LINC00632: variants seen among roughly 807,000 people sequenced by gnomAD.
LINC00632 encodes ALDOA related specific transcript.
Position 140,731,686 on chromosome X carries a change from C to T in LINC00632, n.105-2192C>T, listed in dbSNP as rs753464843. ...TATGTATATTATGTACACATGGATA[C>T]ATAGACATGCAGAAGCTCACAGAGA... On this transcript the variant is annotated intron_variant and non_coding_transcript_variant, in intron 2 of 4. Transcript: ENST00000648200. 3.6e-5 allele frequency among the ~76,000 whole-genome samples: 4 copies of T among 111,746 alleles called. No individual in the cohort carries two copies. The South Asian group carries it at 1.1e-3, about 32-fold the overall frequency.
intron 3 of LINC00632, among the ~76,000 whole-genome samples, chrX:140,759,344 C>CTTT (rs1931561193): frequency 1.3e-4 from 3 of 23,058 alleles, no homozygotes; most frequent in African/African-American, 3.8e-4. Context: ...TTCCTTCCTT[C>CTTT]CTTTCTTTCT....
At chrX:140,790,567 T>A (rs1932093657) in exon 5 of LINC00632, among the ~76,000 whole-genome samples, 1 of 110,989 alleles carries the variant, frequency 9.0e-6, no homozygotes, top group Non-Finnish European at 1.9e-5. Flanking sequence ...AATTTTAAAA[T>A]TAACTCATGA....
intron 3 of LINC00632, among the ~76,000 whole-genome samples, chrX:140,749,868 G>GT (rs1248945419): frequency 9.1e-6 from 1 of 109,749 alleles, no homozygotes; most frequent in Non-Finnish European, 1.9e-5. Context: ...TTTTTGAAAA[G>GT]TTTTTTGTAG....
At chrX:140,764,606 G>C (rs900236255) in intron 3 of LINC00632, 1 of 112,495 alleles carries the variant, frequency 8.9e-6, no homozygotes. Flanking sequence ...CACTGCATCG[G>C]AGTAGGCACA....
chrX:140,762,204 T>TC (rs1422140973), intron 3 of LINC00632, among the ~76,000 whole-genome samples: 3 of 51,043 alleles, frequency 5.9e-5, no homozygotes, highest in African/African-American at 1.6e-4. Context: ...CGTCAGTTTT[T>TC]CGAAAAGAGA....
chrX:140,728,146 A>AG (rs1220520672), intron 2 of LINC00632, among the ~76,000 whole-genome samples: 2 of 109,909 alleles, frequency 1.8e-5, no homozygotes, highest in African/African-American at 6.6e-5. Context: ...AGGCTGAGGC[A>AG]GGAGACTCAC....
At chrX:140,743,887 A>G (rs548940708) in intron 3 of LINC00632, among the ~76,000 whole-genome samples, 1 of 111,478 alleles carries the variant, frequency 9.0e-6, no homozygotes, top group East Asian at 2.8e-4. Flanking sequence ...AGACCTGGGA[A>G]TATCAGAAAT....
intron 2 of LINC00632, among the ~76,000 whole-genome samples, chrX:140,728,240 C>CAAA (rs1200284527): frequency 0.052 from 3,133 of 60,555 alleles, 205 homozygotes; most frequent in African/African-American, 0.17. Flanking sequence ...AACTCTGTCT[C>CAAA]AAAAAAAAAA....
chrX:140,785,199 A>G (rs1422860113), exon 5 of LINC00632, among the ~76,000 whole-genome samples: 2 of 100,139 alleles, frequency 2.0e-5, no homozygotes, highest in South Asian at 4.5e-4. Flanking sequence ...TAATAATAAT[A>G]ATAATAATAA....
At chrX:140,719,624 G>A (rs1211153080) in intron 2 of LINC00632, among the ~76,000 whole-genome samples, 2 of 109,092 alleles carry the variant, frequency 1.8e-5, no homozygotes, top group African/African-American at 3.3e-5. Flanking sequence ...ACACAGACTG[G>A]CCACACAAAA....
chrX:140,759,336 CCTTCCTTCCTTT>C (rs1410734947), intron 3 of LINC00632, among the ~76,000 whole-genome samples: 1,602 of 43,587 alleles, frequency 0.037, 35 homozygotes, highest in African/African-American at 0.083. Context: ...TTCCTTCCTT[CCTTCCTTCCTTT>C]CTTTCTTTCT....
chrX:140,767,427 T>C (rs1931709843), intron 3 of LINC00632, among the ~76,000 whole-genome samples: 1 of 111,936 alleles, frequency 8.9e-6, no homozygotes, highest in African/African-American at 3.2e-5. Flanking sequence ...ATGCATTAAT[T>C]TCCCCTTAGT....
At chrX:140,738,049 A>G (rs1039303867) in intron 3 of LINC00632, among the ~76,000 whole-genome samples, 7 of 112,378 alleles carry the variant, frequency 6.2e-5, no homozygotes, top group South Asian at 3.7e-4. Context: ...TTTTAGTACT[A>G]GAATACAGTC....
At chrX:140,788,870 C>CAT (rs1251284586) in exon 5 of LINC00632, among the ~76,000 whole-genome samples, 8 of 73,103 alleles carry the variant, frequency 1.1e-4, no homozygotes, top group East Asian at 3.8e-4. Context: ...ATGCATATTC[C>CAT]ATATATATAC....
At chrX:140,713,720 A>G (rs1035601664) in intron 2 of LINC00632, 1 of 342,091 alleles carries the variant, frequency 2.9e-6, no homozygotes. Context: ...TGTTCCCCAG[A>G]ACACATGGAC....
At chrX:140,723,594 C>A (rs371021092) in intron 2 of LINC00632, among the ~76,000 whole-genome samples, 6 of 26,207 alleles carry the variant, frequency 2.3e-4, no homozygotes, top group South Asian at 2.2e-3. Flanking sequence ...ACATTCCATA[C>A]ACAGACACAC....
At chrX:140,738,880 A>G (rs1931184016) in intron 3 of LINC00632, among the ~76,000 whole-genome samples, 1 of 112,048 alleles carries the variant, frequency 8.9e-6, no homozygotes, top group Admixed American at 9.5e-5. Context: ...TAAAGTTTAT[A>G]TTGGAAATCT....
intron 3 of LINC00632, among the ~76,000 whole-genome samples, chrX:140,749,665 A>C (rs1354971861): frequency 3.6e-5 from 4 of 110,750 alleles, no homozygotes; most frequent in Non-Finnish European, 7.6e-5. Context: ...TAAGTTTTGC[A>C]GTTTTAATTT....
At chrX:140,713,813 C>T (rs1394220125) in intron 2 of LINC00632, 1 of 323,421 alleles carries the variant, frequency 3.1e-6, no homozygotes, top group African/African-American at 2.7e-5. Context: ...CACACTGATG[C>T]ACCCCGCATG....
Sources: gnomAD v4.1 joint callset for allele counts (sites outside exome capture counted in the v4.1 genomes callset) on GRCh38, gnomAD v4.1.1 for gene constraint, MANE v1.5 for transcripts, NCBI Gene and HGNC (gene_info 2026-07-23, HGNC 2026-07-21) for gene names.